MTM1: variants seen among roughly 807,000 people sequenced by gnomAD.
MTM1 encodes myotubularin 1.
MTM1 carries 9 observed loss-of-function variants against 52.1 expected under a neutral mutation model. The ratio of observed to expected loss-of-function variants is 0.17; its 90% confidence interval spans 0.10 to 0.30. MTM1 has a LOEUF of 0.30. Among genes scored for constraint, MTM1 ranks in the 10% least tolerant of loss-of-function variants. MTM1 has a pLI of 1.00. For missense variants in MTM1, 277 were observed against 470.7 expected (o/e 0.59, Z 3.81); for synonymous variants, 136 against 163.8 (o/e 0.83, Z 1.29).
intron 4 of MTM1, among the ~76,000 whole-genome samples, chrX:150,601,874 A>T (rs1196727252): frequency 3.6e-5 from 4 of 111,693 alleles, no homozygotes; most frequent in African/African-American, 1.3e-4. Context: ...GACTCACATC[A>T]CTTCTTCCCA....
intron 1 of MTM1, among the ~76,000 whole-genome samples, chrX:150,583,927 TTAAA>T (rs2038728984): frequency 2.4e-5 from 1 of 41,335 alleles, no homozygotes; most frequent in Non-Finnish European, 4.8e-5. Context: ...AAAATATATA[TTAAA>T]TTAAAATATA....
intron 14 of MTM1, among the ~76,000 whole-genome samples, chrX:150,669,965 G>T (rs1178608288): frequency 2.7e-5 from 3 of 111,769 alleles, no homozygotes; most frequent in African/African-American, 9.8e-5. Flanking sequence ...TGTCCTGAAT[G>T]GTATTGCCTA....
chrX:150,672,878 TTA>T lies in MTM1; in HGVS notation c.*1285_*1286del, dbSNP rs1214854091. On this transcript the variant is annotated 3_prime_UTR_variant, in exon 15 of 15. Coordinates refer to ENST00000370396, the MANE Select transcript of MTM1 (RefSeq NM_000252.3). The stretch of plus-strand genomic sequence containing the variant: ...ATTAAATATATCTTTGTAAATTATT[TTA>T]TGTCATAGTTTAATTGGTCTACCAA... 1 of 112,565 alleles carries T rather than the reference TTA, an allele frequency of 8.9e-6. No individual in the cohort carries two copies. Among genetic ancestry groups the T allele is most frequent in the East Asian group, 2.7e-4 (1 of 3,639 alleles). 9.3% of individuals were successfully genotyped at this position (112,565 alleles called of 1,213,427 possible).
intron 10 of MTM1, among the ~76,000 whole-genome samples, chrX:150,653,070 A>C (rs1345476075): frequency 9.0e-6 from 1 of 111,623 alleles, no homozygotes; most frequent in African/African-American, 3.3e-5. Context: ...GGGGATATGA[A>C]AGAAATGAAA....
At chrX:150,568,938 G>C (rs1324511562) in intron 1 of MTM1, among the ~76,000 whole-genome samples, 1 of 113,500 alleles carries the variant, frequency 8.8e-6, no homozygotes, top group Non-Finnish European at 1.9e-5. Flanking sequence ...CGGGACGGGG[G>C]TAGGGGTTGG....
At chrX:150,586,396 A>G (rs1402109095) in intron 1 of MTM1, among the ~76,000 whole-genome samples, 7 of 111,267 alleles carry the variant, frequency 6.3e-5, no homozygotes, top group Admixed American at 3.8e-4. Context: ...TATGTTAAGT[A>G]TTTCACAGAA....
At chrX:150,574,219 T>A (rs932847148) in intron 1 of MTM1, among the ~76,000 whole-genome samples, 6 of 111,650 alleles carry the variant, frequency 5.4e-5, no homozygotes, top group Admixed American at 4.8e-4. Context: ...CTTCCTTCAC[T>A]ATATCAACTC....
chrX:150,641,950 C>T (rs1041235011), intron 8 of MTM1, among the ~76,000 whole-genome samples: 1 of 111,305 alleles, frequency 9.0e-6, no homozygotes, highest in African/African-American at 3.3e-5. Context: ...GGTATCACTG[C>T]ACCTAGTTCA....
intron 14 of MTM1, among the ~76,000 whole-genome samples, chrX:150,664,797 A>G (rs782030770): frequency 2.7e-5 from 3 of 112,676 alleles, no homozygotes; most frequent in Non-Finnish European, 3.7e-5. Context: ...TTTGTCCTAT[A>G]AAATAAGCCT....
intron 7 of MTM1, among the ~76,000 whole-genome samples, chrX:150,639,791 A>T (rs1025756422): frequency 8.9e-6 from 1 of 112,404 alleles, no homozygotes; most frequent in African/African-American, 3.2e-5. Flanking sequence ...AGTTTTGTTG[A>T]ATGAGATTTG....
chrX:150,644,976 C>T (rs75202158), intron 8 of MTM1, among the ~76,000 whole-genome samples: 17,463 of 111,344 alleles, frequency 0.16, 1,194 homozygotes, highest in South Asian at 0.37. Context: ...ACAATTCTGT[C>T]GTTTTTGGTA....
At chrX:150,613,422 C>G (rs2071385869) in intron 4 of MTM1, among the ~76,000 whole-genome samples, 1 of 111,131 alleles carries the variant, frequency 9.0e-6, no homozygotes, top group African/African-American at 3.3e-5. Flanking sequence ...AAACTGTATA[C>G]TTGTTCCAGC....
At chrX:150,667,128 G>A (rs1344826901) in intron 14 of MTM1, among the ~76,000 whole-genome samples, 1 of 112,006 alleles carries the variant, frequency 8.9e-6, no homozygotes, top group Non-Finnish European at 1.9e-5. Context: ...ACCTCACCCA[G>A]AGTCAAGGCG....
chrX:150,620,385 C>T (rs1557413255), intron 6 of MTM1, among the ~76,000 whole-genome samples: 1 of 112,277 alleles, frequency 8.9e-6, no homozygotes, highest in Admixed American at 9.4e-5. Context: ...ACTGTCCCAT[C>T]TTTCACTTCA....
chrX:150,635,560 G>GTTACCACTTGTAGGGGATTTTATGCTTT (rs1433030019), intron 6 of MTM1, among the ~76,000 whole-genome samples: 2 of 112,217 alleles, frequency 1.8e-5, no homozygotes, highest in Non-Finnish European at 3.8e-5. Context: ...CTTGTAACAA[G>GTTACCACTTGTAGGGGATTTTATGCTTT]TTACCACTTG....
chrX:150,597,724 C>T (rs1158893423), intron 3 of MTM1, among the ~76,000 whole-genome samples: 1 of 111,402 alleles, frequency 9.0e-6, no homozygotes, highest in Non-Finnish European at 1.9e-5. Context: ...ATGTACTATT[C>T]TTTCGGCCAC....
At chrX:150,661,982 G>A (rs1339099927) in intron 13 of MTM1, among the ~76,000 whole-genome samples, 2 of 111,648 alleles carry the variant, frequency 1.8e-5, no homozygotes, top group African/African-American at 6.5e-5. Flanking sequence ...GCTTGATTGA[G>A]GTGATTATTT....
intron 13 of MTM1, among the ~76,000 whole-genome samples, chrX:150,661,775 T>C (rs1202858443): frequency 1.8e-5 from 2 of 111,523 alleles, no homozygotes; most frequent in African/African-American, 6.5e-5. Flanking sequence ...TACCAGGGGC[T>C]GGGGAAGGGG....
chrX:150,583,458 A>AT (rs1201253462), intron 1 of MTM1, among the ~76,000 whole-genome samples: 3 of 30,682 alleles, frequency 9.8e-5, no homozygotes, highest in Non-Finnish European at 1.5e-4. Flanking sequence ...TATTATATAT[A>AT]ATTATAAATA....
Sources: allele counts gnomAD v4.1 joint callset (sites outside exome capture counted in the v4.1 genomes callset), GRCh38; gene constraint gnomAD v4.1.1; transcripts MANE v1.5; gene names NCBI Gene and HGNC (gene_info 2026-07-23, HGNC 2026-07-21).